The following FNBP1L variants were observed in gnomAD, a reference collection of about 807,000 sequenced individuals.
FNBP1L encodes formin-binding protein 1-like.
FNBP1L carries 36 observed loss-of-function variants against 91.2 expected under a neutral mutation model. That is an observed-to-expected ratio of 0.39 (90% CI 0.30 to 0.52). The LOEUF (loss-of-function observed/expected upper bound fraction) is 0.52, where lower values mean the gene tolerates loss of function less well. FNBP1L is among the 20% of genes least tolerant of loss of function. FNBP1L has a pLI of 0.66. For synonymous variants in FNBP1L, 242 were observed against 237.0 expected (o/e 1.02, Z -0.19); for missense variants, 571 against 732.1 (o/e 0.78, Z 2.54).
intron 1 of FNBP1L, among the ~76,000 whole-genome samples, chr1:93,458,105 T>C (rs1668733558): frequency 6.7e-6 from 1 of 150,190 alleles, no homozygotes; most frequent in South Asian, 2.1e-4. Context: ...CAGGAATTTC[T>C]TATATTAAGT....
intron 1 of FNBP1L, among the ~76,000 whole-genome samples, chr1:93,464,657 A>G (rs1267733164): frequency 2.6e-5 from 4 of 152,008 alleles, no homozygotes; most frequent in East Asian, 3.8e-4. Context: ...CAAACAGTCA[A>G]TTTCTTGTTC....
At chr1:93,518,779 C>A (rs541559573) in intron 2 of FNBP1L, among the ~76,000 whole-genome samples, 2 of 152,160 alleles carry the variant, frequency 1.3e-5, no homozygotes, top group Non-Finnish European at 2.9e-5. Flanking sequence ...AGTGTATTTA[C>A]AGAGTTGTGC....
intron 1 of FNBP1L, among the ~76,000 whole-genome samples, chr1:93,497,275 TA>T (rs1670298333): frequency 6.6e-6 from 1 of 152,178 alleles, no homozygotes; most frequent in Non-Finnish European, 1.5e-5. Context: ...ACTTATTTTT[TA>T]AAAATAAAAA....
In FNBP1L at chr1:93,448,179, G is replaced by C; in HGVS notation, c.-103G>C. 1.1e-5 allele frequency: 16 copies of C among 1,445,952 alleles called. No individual in the cohort carries two copies. Among genetic ancestry groups the C allele is most frequent in the Non-Finnish European group, 1.5e-5 (16 of 1,073,120 alleles). 89.6% of individuals were successfully genotyped at this position (1,445,952 alleles called of 1,614,324 possible). A position where few individuals can be genotyped will look rare whatever the true frequency, so the allele number is the denominator to read the frequency against. Reference sequence around the variant, plus strand: ...TGGCGGCACCTTTCGAGGTAGACCCGCTGAGCTGCTAGCCCGCCGGCCAGC... The same window carrying C: ...TGGCGGCACCTTTCGAGGTAGACCCCCTGAGCTGCTAGCCCGCCGGCCAGC... On this transcript the variant is annotated 5_prime_UTR_variant, in exon 1 of 17. Coordinates refer to ENST00000271234, the MANE Select transcript of FNBP1L (RefSeq NM_001164473.3).
intron 1 of FNBP1L, among the ~76,000 whole-genome samples, chr1:93,458,011 T>G (rs1668727212): frequency 6.6e-6 from 1 of 152,044 alleles, no homozygotes; most frequent in Non-Finnish European, 1.5e-5. Context: ...CAGGATGGTC[T>G]CGACCTCCTG....
intron 1 of FNBP1L, among the ~76,000 whole-genome samples, chr1:93,465,118 T>C (rs1669026931): frequency 6.6e-6 from 1 of 150,626 alleles, no homozygotes. Flanking sequence ...TGGGGTCAGG[T>C]TTTTCTGTTT....
rs146845571 is a variant in FNBP1L, at chr1:93,509,778, G to A, written c.140+10195G>A. On this transcript the variant is annotated intron_variant, in intron 2 of 16. Coordinates refer to ENST00000271234, the MANE Select transcript of FNBP1L (RefSeq NM_001164473.3). ...CGCACCGTGCACGAGCCCTGCTTGG[G>A]CGAGGCATTGCCTCACTCGGGAAGC... 1.9e-3 allele frequency among the ~76,000 whole-genome samples: 290 copies of A among 152,326 alleles called. 2 individuals carry two copies. Among genetic ancestry groups the A allele is most frequent in the African/African-American group, 6.7e-3 (279 of 41,578 alleles).
chr1:93,453,717 G>A (rs1668568258), intron 1 of FNBP1L, among the ~76,000 whole-genome samples: 1 of 152,158 alleles, frequency 6.6e-6, no homozygotes, highest in African/African-American at 2.4e-5. Flanking sequence ...TTATGTAAAG[G>A]TTTTGTTCTA....
At chr1:93,523,651 G>T (rs1008882022) in intron 4 of FNBP1L, among the ~76,000 whole-genome samples, 160 bp downstream of exon 4, 4 of 152,148 alleles carry the variant, frequency 2.6e-5, no homozygotes, top group African/African-American at 7.2e-5. Flanking sequence ...GCTAATTTAT[G>T]ATCCTTTTGG....
chr1:93,516,543 C>G (rs955313071), intron 2 of FNBP1L, among the ~76,000 whole-genome samples: 1 of 152,088 alleles, frequency 6.6e-6, no homozygotes, highest in Non-Finnish European at 1.5e-5. Context: ...GGGCTGGGCA[C>G]GATGGCTCAC....
chr1:93,549,233 CTCA>C lies in FNBP1L; in HGVS notation c.1503-43_1503-41del, dbSNP rs746661062. 2.7e-6 allele frequency: 4 copies of C among 1,485,670 alleles called. No homozygotes were observed. In the South Asian group the frequency reaches 3.9e-5, roughly 14 times the overall value. The allele number at this position is 1,485,670 out of a possible 1,614,324, so 92.0% of individuals were successfully genotyped here. On this transcript the variant is annotated intron_variant, in intron 14 of 16. Coordinates refer to ENST00000271234, the MANE Select transcript of FNBP1L (RefSeq NM_001164473.3). ...CAATTTATAAATAATATATAGAATT[CTCA>C]TGTTTATGATACTTGATCAGAGATA...
chr1:93,463,828 C>G (rs1297293635), intron 1 of FNBP1L, among the ~76,000 whole-genome samples: 1 of 152,196 alleles, frequency 6.6e-6, no homozygotes, highest in African/African-American at 2.4e-5. Flanking sequence ...GAGTTTGTTT[C>G]ATACATTTGT....
At chr1:93,549,923 GA>G (rs1672353777) in intron 15 of FNBP1L, among the ~76,000 whole-genome samples, 2 of 152,214 alleles carry the variant, frequency 1.3e-5, no homozygotes, top group South Asian at 4.1e-4. Flanking sequence ...AGTAGCTACT[GA>G]CTATGTTATC....
chr1:93,548,018 T>G (rs1672297923), intron 14 of FNBP1L, among the ~76,000 whole-genome samples: 1 of 152,170 alleles, frequency 6.6e-6, no homozygotes, highest in African/African-American at 2.4e-5. Flanking sequence ...CTGAGCAAGT[T>G]CATTTTTAAT....
chr1:93,498,088 A>C (rs1200403063), intron 1 of FNBP1L, among the ~76,000 whole-genome samples: 2 of 152,128 alleles, frequency 1.3e-5, no homozygotes, highest in Non-Finnish European at 2.9e-5. Flanking sequence ...AAATAACTAC[A>C]TATAATTGTT....
At chr1:93,451,758 T>C (rs111370549) in intron 1 of FNBP1L, among the ~76,000 whole-genome samples, 2 of 152,182 alleles carry the variant, frequency 1.3e-5, no homozygotes, top group African/African-American at 4.8e-5. Flanking sequence ...TTCAAGCCAT[T>C]CTCCCACCTC....
chr1:93,484,881 G>T (rs1669845080), intron 1 of FNBP1L, among the ~76,000 whole-genome samples: 1 of 152,094 alleles, frequency 6.6e-6, no homozygotes, highest in South Asian at 2.1e-4. Context: ...CTCCTGGGAG[G>T]AATGGCTCAC....
In FNBP1L at chr1:93,521,496, G is replaced by C. The variant is rs573786859; in HGVS notation, c.141-586G>C. The stretch of plus-strand genomic sequence containing the variant: ...TGTTCCTGAGGGGGATTGGTTCCCA[G>C]ACCCATGAATACCAAAATCCAAAGA... On this transcript the variant is annotated intron_variant, in intron 2 of 16. Coordinates refer to ENST00000271234, the MANE Select transcript of FNBP1L (RefSeq NM_001164473.3). 3.9e-5 allele frequency among the ~76,000 whole-genome samples: 6 copies of C among 152,230 alleles called. No individual in the cohort carries two copies. The South Asian group carries it at 1.2e-3, about 32-fold the overall frequency.
intron 5 of FNBP1L, among the ~76,000 whole-genome samples, chr1:93,528,228 A>T (rs1279081352): frequency 6.6e-6 from 1 of 152,178 alleles, no homozygotes; most frequent in Non-Finnish European, 1.5e-5. Context: ...AGGATATCCC[A>T]TGTGCTCAGC....
Sources: allele counts gnomAD v4.1 joint callset (sites outside exome capture counted in the v4.1 genomes callset), GRCh38; gene constraint gnomAD v4.1.1; transcripts MANE v1.5; gene names NCBI Gene and HGNC (gene_info 2026-07-23, HGNC 2026-07-21).